The following SH3RF1 variants were observed in gnomAD, a reference collection of about 807,000 sequenced individuals.
The protein encoded by SH3RF1 is E3 ubiquitin-protein ligase SH3RF1.
A neutral mutation model predicts 74.0 loss-of-function variants in SH3RF1; 32 were observed. The observed-to-expected ratio is 0.43, with a 90% CI of 0.33 to 0.58. SH3RF1 has a LOEUF of 0.58. Ranked by LOEUF, SH3RF1 falls within the 20% of genes least tolerant of loss-of-function variation. The pLI, the probability that SH3RF1 is intolerant of heterozygous loss-of-function variation, is 0.05. For synonymous variants in SH3RF1, 396 were observed against 439.6 expected (o/e 0.90, Z 1.24); for missense variants, 954 against 1,130.9 (o/e 0.84, Z 2.24).
chr4:169,257,885 A>G (rs1372267832), intron 2 of SH3RF1, among the ~76,000 whole-genome samples: 2 of 152,180 alleles, frequency 1.3e-5, no homozygotes, highest in Non-Finnish European at 2.9e-5. Flanking sequence ...TAAATCTAAC[A>G]GTTCATCTGA....
chr4:169,154,005 T>C (rs1222755573), intron 4 of SH3RF1, among the ~76,000 whole-genome samples: 1 of 152,150 alleles, frequency 6.6e-6, no homozygotes, highest in African/African-American at 2.4e-5. Flanking sequence ...ACAAACCAAG[T>C]ATCAGCATGT....
chr4:169,175,137 TA>T, intron 2 of SH3RF1, among the ~76,000 whole-genome samples: 1 of 152,254 alleles, frequency 6.6e-6, no homozygotes, highest in East Asian at 1.9e-4. Flanking sequence ...CACATCCACT[TA>T]ATGCATCAGC....
At chr4:169,141,941 T>C (rs914666732) in intron 4 of SH3RF1, among the ~76,000 whole-genome samples, 1 of 151,510 alleles carries the variant, frequency 6.6e-6, no homozygotes, top group Non-Finnish European at 1.5e-5. Flanking sequence ...GCCTCCTGAA[T>C]AGCTGGGACT....
chr4:169,106,943 G>T lies in SH3RF1; in HGVS notation c.2402C>A (p.Ser801Tyr). The T allele has an allele frequency of 6.2e-7, 1 of 1,613,856 alleles. No homozygotes were observed. Among genetic ancestry groups the T allele is most frequent in the Non-Finnish European group, 8.5e-7 (1 of 1,180,030 alleles). ...AQDAFHRKAS[S>Y]LDSAVPIAPP... ...AGCGATGGGAACTGCGGAGTCCAGG[G>T]AACTTGCCTTCCTATGAAAAGCATC... is the stretch of plus-strand genomic sequence containing the variant. Residue 801 changes from serine to tyrosine, a missense_variant, in exon 11 of 12, where the codon TCC becomes TAC. Physicochemically the swap from Ser to Tyr is moderately radical, Grantham distance 144. This residue lies in a region of SH3RF1 where 854 missense variants were observed against 962.5 expected (regional missense o/e 0.89). Coordinates refer to ENST00000284637, the MANE Select transcript of SH3RF1 (RefSeq NM_020870.4).
intron 2 of SH3RF1, among the ~76,000 whole-genome samples, chr4:169,265,536 C>G (rs1014356452): frequency 6.6e-6 from 1 of 152,074 alleles, no homozygotes; most frequent in African/African-American, 2.4e-5. Context: ...TGCAAGGGTG[C>G]GATCTCAGCT....
At chr4:169,195,640 T>G (rs1199484121) in intron 2 of SH3RF1, among the ~76,000 whole-genome samples, 1 of 152,138 alleles carries the variant, frequency 6.6e-6, no homozygotes, top group Non-Finnish European at 1.5e-5. Flanking sequence ...TTCTCCATAT[T>G]TTCTTTTACA....
At chr4:169,263,285 TAG>T (rs771908597) in intron 2 of SH3RF1, among the ~76,000 whole-genome samples, 90 of 152,334 alleles carry the variant, frequency 5.9e-4, no homozygotes, top group Admixed American at 1.0e-3. Context: ...CCATCATAGA[TAG>T]AGACTTATTC....
intron 2 of SH3RF1, among the ~76,000 whole-genome samples, chr4:169,202,641 A>G (rs1470727453): frequency 1.3e-5 from 2 of 152,252 alleles, no homozygotes; most frequent in Admixed American, 6.5e-5. Flanking sequence ...AAACCAAAGC[A>G]TCAGTTAATT....
At chr4:169,166,532 CT>C (rs1734248111) in intron 2 of SH3RF1, 1 of 196,876 alleles carries the variant, frequency 5.1e-6, no homozygotes, top group African/African-American at 2.3e-5. Flanking sequence ...GGAGAAAGTT[CT>C]TGCAACTGTT....
chr4:169,230,578 C>T (rs1400244344), intron 2 of SH3RF1, among the ~76,000 whole-genome samples: 2 of 152,126 alleles, frequency 1.3e-5, no homozygotes, highest in African/African-American at 2.4e-5. Context: ...ACTGATTCCA[C>T]GTGGGCGCAG....
Position 169,117,649 on chromosome 4 carries a change from T to G in SH3RF1, c.1651A>C (p.Ser551Arg), listed in dbSNP as rs1227051143. Residue 551 changes from serine to arginine, a missense_variant, in exon 9 of 12, where the codon AGT becomes CGT. By Grantham distance (110) the Ser-to-Arg change is moderately radical. This residue lies in a region of SH3RF1 where 854 missense variants were observed against 962.5 expected (regional missense o/e 0.89). Coordinates refer to ENST00000284637, the MANE Select transcript of SH3RF1 (RefSeq NM_020870.4). Reference protein sequence around the residue: ...QKLQGNGVAGSPSVVPAAVVS... With the variant: ...QKLQGNGVAGRPSVVPAAVVS... ...ACAGCTGCGGGGACAACACTGGGAC[T>G]CCCAGCCACGCCATTTCCCTGGAGC... is the stretch of plus-strand genomic sequence containing the variant. 3 of 1,614,034 alleles carry G rather than the reference T, an allele frequency of 1.9e-6. No individual in the cohort carries two copies. Among genetic ancestry groups the G allele is most frequent in the Admixed American group, 1.7e-5 (1 of 60,004 alleles).
At chr4:169,216,590 G>A (rs765296805) in intron 2 of SH3RF1, among the ~76,000 whole-genome samples, 1 of 152,114 alleles carries the variant, frequency 6.6e-6, no homozygotes, top group Non-Finnish European at 1.5e-5. Flanking sequence ...TCTATAGTCC[G>A]AGAACTATGG....
At chr4:169,260,528 G>T (rs144983953) in intron 2 of SH3RF1, among the ~76,000 whole-genome samples, 163 of 152,280 alleles carry the variant, frequency 1.1e-3, no homozygotes, top group African/African-American at 2.7e-3. Context: ...AAGCCAGAGA[G>T]CCAGGGCAGA....
intron 2 of SH3RF1, among the ~76,000 whole-genome samples, chr4:169,200,069 A>T (rs1007170743): frequency 5.3e-5 from 8 of 152,152 alleles, no homozygotes; most frequent in African/African-American, 1.9e-4. Flanking sequence ...AAAAGGAATA[A>T]AGAGAGTACC....
chr4:169,158,473 G>T (rs1734098042), intron 2 of SH3RF1, among the ~76,000 whole-genome samples: 1 of 152,136 alleles, frequency 6.6e-6, no homozygotes, highest in South Asian at 2.1e-4. Flanking sequence ...GTTTATTGAG[G>T]GTCTTGTATA....
intron 2 of SH3RF1, among the ~76,000 whole-genome samples, chr4:169,227,361 T>C (rs540598553): frequency 6.6e-6 from 1 of 152,302 alleles, no homozygotes; most frequent in Non-Finnish European, 1.5e-5. Context: ...ATTTGAAAAA[T>C]GTTCCTCTTG....
chr4:169,121,976 A>G (rs968539701), intron 7 of SH3RF1, 124 bp downstream of exon 7: 3 of 1,305,052 alleles, frequency 2.3e-6, no homozygotes, highest in Admixed American at 2.3e-5. Flanking sequence ...TTTGCAGGAC[A>G]CAGACCGCTT....
chr4:169,141,874 G>A (rs971093732), intron 4 of SH3RF1, among the ~76,000 whole-genome samples: 14 of 150,304 alleles, frequency 9.3e-5, no homozygotes, highest in South Asian at 2.1e-4. Context: ...GTGCAGTGGC[G>A]TGATGTCGGC....
intron 4 of SH3RF1, among the ~76,000 whole-genome samples, chr4:169,140,795 C>T (rs923144128): frequency 6.6e-6 from 1 of 152,054 alleles, no homozygotes; most frequent in Non-Finnish European, 1.5e-5. Flanking sequence ...GGAAGCTTTA[C>T]AGATGAATCA....
Sources: allele counts gnomAD v4.1 joint callset (sites outside exome capture counted in the v4.1 genomes callset), GRCh38; gene constraint gnomAD v4.1.1; regional missense constraint gnomAD v4.1.1; transcripts MANE v1.5; gene names NCBI Gene and HGNC (gene_info 2026-07-23, HGNC 2026-07-21).